Variants in GABRB3 observed in about 807,000 individuals in gnomAD.
GABRB3 encodes the protein gamma-aminobutyric acid type A receptor subunit beta3.
GABRB3 carries 14 observed loss-of-function variants against 52.1 expected under a neutral mutation model. The ratio of observed to expected loss-of-function variants is 0.27; its 90% CI spans 0.18 to 0.42. The LOEUF is 0.42. GABRB3 is among the 10% of genes least tolerant of loss of function. GABRB3 has a pLI of 1.00. For synonymous variants in GABRB3, 260 were observed against 232.3 expected (o/e 1.12, Z -1.08); for missense variants, 307 against 609.1 (o/e 0.50, Z 5.22).
chr15:26,606,676 A>C (rs1891805913), intron 4 of GABRB3, among the ~76,000 whole-genome samples: 1 of 140,192 alleles, frequency 7.1e-6, no homozygotes, highest in African/African-American at 2.7e-5. Context: ...AGAAAGAAAG[A>C]AAAGGCATGC....
rs1223304140 is a variant in GABRB3, at chr15:26,773,028, T to A, written c.-66A>T. 1.1e-5 allele frequency: 12 copies of A among 1,066,156 alleles called. No homozygotes were observed. The highest frequency in any genetic ancestry group is 2.7e-5 in the African/African-American group (1 of 37,242). The allele number at this position is 1,066,156 out of a possible 1,614,324, so 66.0% of individuals were successfully genotyped here. On this transcript the variant is annotated 5_prime_UTR_variant, in exon 1 of 9. Transcript: ENST00000311550. The stretch of plus-strand genomic sequence containing the variant: ...CGCCGTCGCGACCCGCAGCCGGGGC[T>A]GCTCCTGCTGCTGCCGCCGCCGCCG...
intron 3 of GABRB3, among the ~76,000 whole-genome samples, chr15:26,742,738 T>C (rs1280637487): frequency 6.6e-6 from 1 of 152,216 alleles, no homozygotes; most frequent in Non-Finnish European, 1.5e-5. Flanking sequence ...AGGAAAGTCC[T>C]GTAATTCATC....
intron 5 of GABRB3, among the ~76,000 whole-genome samples, chr15:26,582,797 T>A (rs1445762851): frequency 6.6e-6 from 1 of 152,202 alleles, no homozygotes; most frequent in African/African-American, 2.4e-5. Context: ...TATCCTGATA[T>A]GCCAGGAGGT....
chr15:26,633,429 T>C (rs898226066), intron 3 of GABRB3, among the ~76,000 whole-genome samples: 3 of 152,118 alleles, frequency 2.0e-5, no homozygotes, highest in African/African-American at 7.2e-5. Flanking sequence ...TAGTCAAGTG[T>C]AATGCCCAAC....
chr15:26,601,214 G>A (rs1421989866), intron 4 of GABRB3, among the ~76,000 whole-genome samples: 1 of 152,022 alleles, frequency 6.6e-6, no homozygotes, highest in East Asian at 1.9e-4. Flanking sequence ...ACCTGAGGTC[G>A]AGTTTGAAAC....
rs573163862 is a variant in GABRB3 at position 26,602,471 on chromosome 15, C to G, written c.461+18843G>C. ...ACTACAGAATACACATTTTTCTTCTCAGCACTTGGATCATTCTTAGGGATA... is the reference window on the plus strand; with the variant it reads ...ACTACAGAATACACATTTTTCTTCTGAGCACTTGGATCATTCTTAGGGATA... On this transcript the variant is annotated intron_variant, in intron 4 of 8. Transcript: ENST00000311550. Among the ~76,000 whole-genome samples, 3 of 152,184 alleles carry G rather than the reference C, an allele frequency of 2.0e-5. No individual in the cohort carries two copies. In the South Asian group the frequency reaches 6.2e-4, roughly 32 times the overall value.
At chr15:26,662,777 G>A (rs946789713) in intron 3 of GABRB3, among the ~76,000 whole-genome samples, 1 of 152,184 alleles carries the variant, frequency 6.6e-6, no homozygotes, top group African/African-American at 2.4e-5. Flanking sequence ...ACAGTCACAT[G>A]AGGATAGGAA....
chr15:26,692,553 G>A (rs1888619719), intron 3 of GABRB3, among the ~76,000 whole-genome samples: 1 of 152,114 alleles, frequency 6.6e-6, no homozygotes, highest in Non-Finnish European at 1.5e-5. Flanking sequence ...ACTCTAGCTT[G>A]GAAGCTAGAG....
chr15:26,578,631 G>A (rs187388766), intron 6 of GABRB3, among the ~76,000 whole-genome samples: 2 of 152,300 alleles, frequency 1.3e-5, no homozygotes, highest in African/African-American at 4.8e-5. Flanking sequence ...ACCTCACCTG[G>A]CTTTCTAATG....
chr15:26,655,345 T>C (rs1191179040), intron 3 of GABRB3, among the ~76,000 whole-genome samples: 1 of 152,220 alleles, frequency 6.6e-6, no homozygotes. Flanking sequence ...AATAACATAA[T>C]GATGAACACC....
intron 3 of GABRB3, among the ~76,000 whole-genome samples, chr15:26,660,512 A>G (rs924012032): frequency 6.6e-6 from 1 of 152,202 alleles, no homozygotes; most frequent in Non-Finnish European, 1.5e-5. Context: ...AGCAACTGGC[A>G]ACTGCCCAAA....
chr15:26,661,463 A>G (rs1240251477), intron 3 of GABRB3, among the ~76,000 whole-genome samples: 4 of 152,176 alleles, frequency 2.6e-5, no homozygotes, highest in African/African-American at 9.7e-5. Context: ...CCTGTATGCA[A>G]GACCCCTGCT....
At chr15:26,628,224 A>AT (rs1892780504) in intron 3 of GABRB3, among the ~76,000 whole-genome samples, 1 of 152,258 alleles carries the variant, frequency 6.6e-6, no homozygotes, top group Non-Finnish European at 1.5e-5. Flanking sequence ...TCACTTCATG[A>AT]TATTTGCTTT....
chr15:26,764,612 C>G (rs2140188716), intron 3 of GABRB3, among the ~76,000 whole-genome samples: 1 of 152,246 alleles, frequency 6.6e-6, no homozygotes, highest in Middle Eastern at 3.4e-3. Flanking sequence ...GATCAAGAGA[C>G]TCACTCTATC....
intron 3 of GABRB3, among the ~76,000 whole-genome samples, chr15:26,639,988 GAA>G (rs767226060): frequency 4.6e-5 from 7 of 152,194 alleles, no homozygotes; most frequent in Non-Finnish European, 1.0e-4. Flanking sequence ...ATTTTGGTTT[GAA>G]AGTCAGTAAA....
upstream of GABRB3, among the ~76,000 whole-genome samples, chr15:26,773,329 G>A (rs1222250399): frequency 2.0e-5 from 3 of 150,720 alleles, no homozygotes; most frequent in East Asian, 2.0e-4. Context: ...GAGTGCGGGG[G>A]CGACCTGGGC....
intron 3 of GABRB3, among the ~76,000 whole-genome samples, chr15:26,686,283 T>C (rs1888403062): frequency 6.6e-6 from 1 of 152,156 alleles, no homozygotes; most frequent in Non-Finnish European, 1.5e-5. Flanking sequence ...TGAATGACTG[T>C]TATAAAAATG....
At chr15:26,764,149 CAAAAAAAAAAA>C (rs1165542034) in intron 3 of GABRB3, among the ~76,000 whole-genome samples, 311 of 18,058 alleles carry the variant, frequency 0.017, 19 homozygotes, top group Admixed American at 0.043. Context: ...GACTCGGTCT[CAAAAAAAAAAA>C]AAAAAAAAAA....
chr15:26,640,233 G>A (rs1481512883), intron 3 of GABRB3, among the ~76,000 whole-genome samples: 4 of 152,182 alleles, frequency 2.6e-5, no homozygotes, highest in African/African-American at 9.6e-5. Flanking sequence ...GTATCAAAAC[G>A]TTGGCCGGGC....
Sources: allele counts gnomAD v4.1 joint callset (sites outside exome capture counted in the v4.1 genomes callset), GRCh38; gene constraint gnomAD v4.1.1; transcripts MANE v1.5; gene names NCBI Gene and HGNC (gene_info 2026-07-23, HGNC 2026-07-21).